Variants in CLMP observed in about 807,000 individuals in gnomAD.
The protein encoded by CLMP is CXADR like cell adhesion molecule.
Under a neutral mutation model 45.2 loss-of-function variants are expected in CLMP, and 27 were observed. The ratio of observed to expected loss-of-function variants is 0.60; its 90% CI spans 0.44 to 0.82. The LOEUF is 0.82. CLMP is among the 40% of genes least tolerant of loss of function. The pLI, the probability that CLMP is intolerant of heterozygous loss-of-function variation, is 0.00. For synonymous variants in CLMP, 167 were observed against 171.4 expected, an observed-to-expected ratio of 0.97 and a Z score of 0.20; for missense variants, 403 against 448.4, an observed-to-expected ratio of 0.90 and a Z score of 0.91.
Position 123,195,097 on chromosome 11 carries a change from C to G in CLMP, c.-157G>C, listed in dbSNP as rs1173779192. The G allele has an allele frequency of 1.2e-5, 6 of 499,134 alleles. No homozygotes were observed. The highest frequency in any genetic ancestry group is 1.8e-5 in the Non-Finnish European group (6 of 330,986). The allele number at this position is 499,134 out of a possible 1,614,324, so 30.9% of individuals were successfully genotyped here. A position where few individuals can be genotyped will look rare whatever the true frequency, so the allele number is the denominator to read the frequency against. On this transcript the variant is annotated 5_prime_UTR_variant, in exon 1 of 7. Transcript: ENST00000448775. The stretch of plus-strand genomic sequence containing the variant: ...GCCGGGCGGGAGCCGGCCCCGCGCC[C>G]CGTGCCCCTGGGGGCAGATGGGCTC...
At chr11:123,122,979 C>G (rs138508742) in intron 1 of CLMP, among the ~76,000 whole-genome samples, 1 of 152,278 alleles carries the variant, frequency 6.6e-6, no homozygotes, top group East Asian at 1.9e-4. Context: ...AAGGCCTGCT[C>G]TGCTCAAAAT....
chr11:123,103,832 CTT>C (rs372976967), intron 1 of CLMP, among the ~76,000 whole-genome samples: 13,713 of 137,136 alleles, frequency 0.1, 680 homozygotes, highest in East Asian at 0.16. Flanking sequence ...GGTTCTGTCT[CTT>C]TTTTTTTTTT....
intron 1 of CLMP, among the ~76,000 whole-genome samples, chr11:123,175,776 T>C (rs2135544337): frequency 6.6e-6 from 1 of 152,344 alleles, no homozygotes; most frequent in South Asian, 2.1e-4. Flanking sequence ...TGAAGAAACT[T>C]GAGAGGAAGA....
intron 5 of CLMP, among the ~76,000 whole-genome samples, chr11:123,076,392 T>C (rs574480561): frequency 2.0e-5 from 3 of 152,270 alleles, no homozygotes; most frequent in East Asian, 1.9e-4. Flanking sequence ...TCTGCTTTTG[T>C]TGAGTTTTCA....
At chr11:123,185,739 G>C (rs1861826796) in intron 1 of CLMP, among the ~76,000 whole-genome samples, 2 of 152,176 alleles carry the variant, frequency 1.3e-5, no homozygotes, top group African/African-American at 2.4e-5. Context: ...AGGCTCGCAG[G>C]AATCTGGGAC....
intron 1 of CLMP, among the ~76,000 whole-genome samples, chr11:123,121,680 G>A (rs1018779971): frequency 1.3e-5 from 2 of 152,100 alleles, no homozygotes; most frequent in South Asian, 4.1e-4. Flanking sequence ...TGGGTTTAGT[G>A]GGTCAGGAGT....
chr11:123,115,619 T>C (rs539028011), intron 1 of CLMP, among the ~76,000 whole-genome samples: 5 of 151,922 alleles, frequency 3.3e-5, no homozygotes, highest in African/African-American at 9.7e-5. Flanking sequence ...GAAGTCTAGG[T>C]AGTGGTTACT....
intron 1 of CLMP, among the ~76,000 whole-genome samples, chr11:123,147,485 C>T (rs144124727): frequency 3.3e-5 from 5 of 152,222 alleles, no homozygotes; most frequent in South Asian, 2.1e-4. Context: ...ACCGTGTTGC[C>T]CAGATTGCTC....
intron 2 of CLMP, among the ~76,000 whole-genome samples, chr11:123,085,622 C>T (rs758476736): frequency 3.5e-5 from 5 of 141,378 alleles, no homozygotes; most frequent in East Asian, 2.1e-4. Context: ...AAAAAGCTTA[C>T]AGTACTCCTG....
chr11:123,071,345 G>A lies in CLMP; in HGVS notation c.*2129C>T, dbSNP rs1295315749. On this transcript the variant is annotated 3_prime_UTR_variant, in exon 7 of 7. Coordinates refer to ENST00000448775, the MANE Select transcript of CLMP (RefSeq NM_024769.5). ...AGCTACTTGGGGGACTGAGGAAGGA[G>A]AATCGCTTGAACTCGGGAGGTGGAG... 1 of 152,250 alleles carries A rather than the reference G, an allele frequency of 6.6e-6. No individual in the cohort carries two copies. The highest frequency in any genetic ancestry group is 1.5e-5 in the Non-Finnish European group (1 of 68,104). The allele number at this position is 152,250 out of a possible 1,614,324, so 9.4% of individuals were successfully genotyped here.
chr11:123,107,376 G>T (rs1170838648), intron 1 of CLMP, among the ~76,000 whole-genome samples: 1 of 148,892 alleles, frequency 6.7e-6, no homozygotes, highest in Non-Finnish European at 1.5e-5. Context: ...GATTATAGGC[G>T]CATGCCACCA....
At chr11:123,175,888 C>G (rs1861692165) in intron 1 of CLMP, among the ~76,000 whole-genome samples, 1 of 152,206 alleles carries the variant, frequency 6.6e-6, no homozygotes, top group Non-Finnish European at 1.5e-5. Context: ...AGTTTTGACT[C>G]CTGCAGCTGT....
chr11:123,103,899 G>C, intron 1 of CLMP, among the ~76,000 whole-genome samples: 1 of 148,490 alleles, frequency 6.7e-6, no homozygotes, highest in Non-Finnish European at 1.5e-5. Flanking sequence ...GCGCAATCTC[G>C]GCTCACTGCA....
At chr11:123,109,398 A>ACT (rs56101190) in intron 1 of CLMP, among the ~76,000 whole-genome samples, 35,103 of 151,960 alleles carry the variant, frequency 0.23, 4,636 homozygotes, top group African/African-American at 0.35. Flanking sequence ...AATGTTATCA[A>ACT]CTCTTTTAGA....
chr11:123,118,224 A>C (rs1860742715), intron 1 of CLMP, among the ~76,000 whole-genome samples: 1 of 151,956 alleles, frequency 6.6e-6, no homozygotes, highest in African/African-American at 2.4e-5. Flanking sequence ...CTGCCTCCGG[A>C]GTTCAAGCGA....
At chr11:123,079,788 G>C (rs1447544512) in intron 5 of CLMP, among the ~76,000 whole-genome samples, 1 of 152,164 alleles carries the variant, frequency 6.6e-6, no homozygotes, top group Non-Finnish European at 1.5e-5. Flanking sequence ...CTTGGAAATA[G>C]ACAAAAGAAC....
intron 1 of CLMP, among the ~76,000 whole-genome samples, chr11:123,187,838 T>A (rs911147905): frequency 6.6e-6 from 1 of 152,214 alleles, no homozygotes; most frequent in Admixed American, 6.5e-5. Flanking sequence ...ATGCCAAGGA[T>A]GCACTGATTA....
At chr11:123,150,112 G>A (rs377433915) in intron 1 of CLMP, among the ~76,000 whole-genome samples, 115 of 151,478 alleles carry the variant, frequency 7.6e-4, no homozygotes, top group African/African-American at 2.6e-3. Context: ...GACTCTGAAA[G>A]GTTTCTCAGA....
chr11:123,113,381 G>A (rs571934154), intron 1 of CLMP, among the ~76,000 whole-genome samples: 6 of 152,184 alleles, frequency 3.9e-5, no homozygotes, highest in South Asian at 4.1e-4. Flanking sequence ...GTGTACGATC[G>A]TCAGTATTGT....
Sources: gnomAD v4.1 joint callset for allele counts (sites outside exome capture counted in the v4.1 genomes callset) on GRCh38, gnomAD v4.1.1 for gene constraint, MANE v1.5 for transcripts, NCBI Gene and HGNC (gene_info 2026-07-23, HGNC 2026-07-21) for gene names.